ACVR2A: variants seen among roughly 807,000 people sequenced by gnomAD.
ACVR2A encodes activin A receptor type 2A.
Under a neutral mutation model 61.4 loss-of-function variants are expected in ACVR2A, and 7 were observed. That is an observed-to-expected ratio of 0.11 (90% CI 0.06 to 0.21). The LOEUF (loss-of-function observed/expected upper bound fraction) is 0.21. ACVR2A is among the 10% of genes least tolerant of loss of function. ACVR2A has a pLI of 1.00. For synonymous variants in ACVR2A, 193 were observed against 208.3 expected, an observed-to-expected ratio of 0.93 and a Z score of 0.63; for missense variants, 322 against 621.7, an observed-to-expected ratio of 0.52 and a Z score of 5.13.
At chr2:147,908,049 A>G (rs1208965046) in intron 4 of ACVR2A, among the ~76,000 whole-genome samples, 3 of 143,024 alleles carry the variant, frequency 2.1e-5, no homozygotes, top group Non-Finnish European at 3.1e-5. Context: ...AAAAAAAAAA[A>G]AAAAAGAAAA....
intron 5 of ACVR2A, among the ~76,000 whole-genome samples, chr2:147,916,647 G>C (rs547856624): frequency 6.6e-6 from 1 of 151,946 alleles, no homozygotes; most frequent in East Asian, 1.9e-4. Flanking sequence ...TAACCATTAT[G>C]CCATAGTGCC....
chr2:147,861,451 GA>G (rs984411059), intron 1 of ACVR2A, among the ~76,000 whole-genome samples: 2 of 152,144 alleles, frequency 1.3e-5, no homozygotes, highest in Non-Finnish European at 2.9e-5. Flanking sequence ...AGATTTTGGG[GA>G]GGATCTTTTC....
intron 8 of ACVR2A, among the ~76,000 whole-genome samples, chr2:147,921,327 G>A (rs770332571): frequency 6.6e-6 from 1 of 152,072 alleles, no homozygotes; most frequent in Non-Finnish European, 1.5e-5. Context: ...GAGCCACCAC[G>A]CCCAGCCAAG....
intron 4 of ACVR2A, among the ~76,000 whole-genome samples, chr2:147,905,218 C>CT (rs1350542148): frequency 6.6e-6 from 1 of 151,678 alleles, no homozygotes; most frequent in African/African-American, 2.4e-5. Context: ...TATATGTTTT[C>CT]TTTTTTATAA....
At chr2:147,884,637 A>G (rs1256620070) in intron 1 of ACVR2A, among the ~76,000 whole-genome samples, 1 of 152,142 alleles carries the variant, frequency 6.6e-6, no homozygotes, top group Non-Finnish European at 1.5e-5. Context: ...TACCCAACCC[A>G]ATAAACCAAA....
chr2:147,915,359 C>A, intron 5 of ACVR2A, 25 bp downstream of exon 5: 1 of 1,609,682 alleles, frequency 6.2e-7, no homozygotes, highest in Non-Finnish European at 8.5e-7. Flanking sequence ...GTTTTGTCAT[C>A]TTACATACAT....
rs1475997481 is a variant in ACVR2A, at chr2:147,878,657, C to T, written c.56-17644C>T. Among the ~76,000 whole-genome samples, 3 of 152,106 alleles carry T rather than the reference C, an allele frequency of 2.0e-5. No individual in the cohort carries two copies. In the South Asian group the frequency reaches 6.2e-4, roughly 32 times the overall value. ...GGCATGGTGGCTCATGCCTGTAATT[C>T]CAGCACTTCAGGAGGCCGAGGTTGG... On this transcript the variant is annotated intron_variant, in intron 1 of 10. Transcript: ENST00000241416.
chr2:147,925,160 T>G (rs547244818), intron 9 of ACVR2A, among the ~76,000 whole-genome samples: 2 of 152,134 alleles, frequency 1.3e-5, no homozygotes, highest in East Asian at 3.9e-4. Context: ...AAACCAGACT[T>G]CAGAGTTATT....
upstream of ACVR2A, chr2:147,844,862 A>G: frequency 2.9e-6 from 1 of 340,010 alleles, no homozygotes; most frequent in Non-Finnish European, 5.1e-6. Flanking sequence ...AGTGATTTAA[A>G]CCCGCTTTTG....
At chr2:147,881,457 C>A (rs1038840872) in intron 1 of ACVR2A, among the ~76,000 whole-genome samples, 1 of 151,978 alleles carries the variant, frequency 6.6e-6, no homozygotes, top group Non-Finnish European at 1.5e-5. Flanking sequence ...GCCTGTACAT[C>A]AGTGTGTCTG....
At chr2:147,909,932 C>T (rs1687075431) in intron 4 of ACVR2A, among the ~76,000 whole-genome samples, 1 of 152,054 alleles carries the variant, frequency 6.6e-6, no homozygotes, top group Non-Finnish European at 1.5e-5. Context: ...TGAGCTATCA[C>T]ACCTGGCCTT....
At chr2:147,851,376 G>A (rs767469135) in intron 1 of ACVR2A, among the ~76,000 whole-genome samples, 2 of 151,152 alleles carry the variant, frequency 1.3e-5, no homozygotes, top group African/African-American at 4.9e-5. Context: ...GTGTGCCTCA[G>A]TTTTCTCATC....
chr2:147,918,501 C>CA lies in ACVR2A; in HGVS notation c.872dup (p.His291GlnfsTer8). The CA allele has an allele frequency of 6.2e-7, 1 of 1,612,440 alleles. No homozygotes were observed. The highest frequency in any genetic ancestry group is 8.5e-7 in the Non-Finnish European group (1 of 1,178,962). ...TGTGGTCTCTTGGAATGAACTGTGT[C>CA]ATATTGCAGAAACCATGGCTAGAGG... On this transcript the variant is annotated frameshift_variant, in exon 7 of 11. Transcript: ENST00000241416. LOFTEE classifies it high-confidence loss of function.
At position 147,925,838 on chromosome 2, in the gene ACVR2A, C is replaced by G. The variant is rs753486583; in HGVS notation, c.1217-193C>G. ...AGGGAATTACATGCCAAATTATAGG[C>G]CTTTTCATTTCCCATACATTAGTTT... is the stretch of plus-strand genomic sequence containing the variant. On this transcript the variant is annotated intron_variant, in intron 9 of 10. Coordinates refer to ENST00000241416, the MANE Select transcript of ACVR2A (RefSeq NM_001616.5). The G allele has an allele frequency of 1.4e-5, 7 of 509,302 alleles. No homozygotes were observed. In the East Asian group the frequency reaches 2.2e-4, roughly 16 times the overall value. 31.5% of individuals were successfully genotyped at this position (509,302 alleles called of 1,614,324 possible). A position where few individuals can be genotyped will look rare whatever the true frequency, so the allele number is the denominator to read the frequency against.
intron 1 of ACVR2A, among the ~76,000 whole-genome samples, chr2:147,880,289 T>G (rs1342203008): frequency 6.6e-6 from 1 of 152,132 alleles, no homozygotes. Flanking sequence ...CTCACACCTC[T>G]GCCTTCCAAA....
chr2:147,855,794 T>G (rs117015944), intron 1 of ACVR2A, among the ~76,000 whole-genome samples: 512 of 152,316 alleles, frequency 3.4e-3, no homozygotes, highest in East Asian at 8.1e-3. Context: ...GGTTATTGAA[T>G]TTTTGTAACA....
rs572279971 is a variant in ACVR2A, at chr2:147,921,864, G to A, written c.1078-1109G>A. Among the ~76,000 whole-genome samples the A allele has an allele frequency of 2.6e-5, 4 of 152,092 alleles. No individual in the cohort carries two copies. The South Asian group carries it at 8.3e-4, about 32-fold the overall frequency. On this transcript the variant is annotated intron_variant, in intron 8 of 10. Coordinates refer to ENST00000241416, the MANE Select transcript of ACVR2A (RefSeq NM_001616.5). Reference sequence around the variant, plus strand: ...TTTTATGATTAGTTAAAAATTATTGGCTTACAGTAATGACTCCTTGACTTT... The same window carrying A: ...TTTTATGATTAGTTAAAAATTATTGACTTACAGTAATGACTCCTTGACTTT...
chr2:147,912,878 G>T (rs1687152189), intron 4 of ACVR2A, among the ~76,000 whole-genome samples: 1 of 151,734 alleles, frequency 6.6e-6, no homozygotes, highest in Admixed American at 6.6e-5. Flanking sequence ...TTTCGAAATT[G>T]ACCAGTATTC....
At chr2:147,858,163 G>A (rs1243204580) in intron 1 of ACVR2A, among the ~76,000 whole-genome samples, 1 of 152,120 alleles carries the variant, frequency 6.6e-6, no homozygotes, top group Non-Finnish European at 1.5e-5. Context: ...GGCCATACAT[G>A]CAACTTAAAT....
Sources: gnomAD v4.1 joint callset for allele counts (sites outside exome capture counted in the v4.1 genomes callset) on GRCh38, gnomAD v4.1.1 for gene constraint, MANE v1.5 for transcripts, NCBI Gene and HGNC (gene_info 2026-07-23, HGNC 2026-07-21) for gene names.